Variants in LYST observed in about 807,000 individuals in gnomAD.
LYST encodes lysosomal-trafficking regulator.
LYST carries 192 observed loss-of-function variants against 413.6 expected under a neutral mutation model. The ratio of observed to expected loss-of-function variants is 0.46; its 90% CI spans 0.41 to 0.52. The LOEUF is 0.52. Among genes scored for constraint, LYST ranks in the 20% least tolerant of loss-of-function variants. LYST has a pLI of 0.00. For missense variants in LYST, 3,815 were observed against 4,499.9 expected, an observed-to-expected ratio of 0.85 and a Z score of 4.35; for synonymous variants, 1,525 against 1,567.3, an observed-to-expected ratio of 0.97 and a Z score of 0.64.
chr1:235,835,051 G>A (rs374151347), intron 1 of LYST, among the ~76,000 whole-genome samples: 2 of 151,578 alleles, frequency 1.3e-5, no homozygotes, highest in African/African-American at 2.4e-5. Flanking sequence ...CCGAGTAGCC[G>A]GGATTACAGG....
chr1:235,771,174 C>T (rs746352958), intron 19 of LYST, among the ~76,000 whole-genome samples: 5 of 152,078 alleles, frequency 3.3e-5, no homozygotes, highest in Non-Finnish European at 4.4e-5. Context: ...ACACGAAAAC[C>T]AGCAGACAAG....
chr1:235,836,020 C>T (rs1466071206), intron 1 of LYST, among the ~76,000 whole-genome samples: 1 of 152,070 alleles, frequency 6.6e-6, no homozygotes, highest in Non-Finnish European at 1.5e-5. Flanking sequence ...TAGCATTTAC[C>T]GTAAATGAAA....
chr1:235,739,695 T>C (rs559191568), intron 31 of LYST, among the ~76,000 whole-genome samples: 2 of 151,886 alleles, frequency 1.3e-5, no homozygotes, highest in African/African-American at 4.8e-5. Context: ...AGCTTATAGA[T>C]GCTGATGGAA....
At chr1:235,706,199 C>A (rs1422329272) in intron 44 of LYST, among the ~76,000 whole-genome samples, 2 of 152,156 alleles carry the variant, frequency 1.3e-5, no homozygotes, top group African/African-American at 2.4e-5. Flanking sequence ...CACACAACCC[C>A]AAAATTTCGT....
At chr1:235,727,324 A>G (rs1663975704) in intron 38 of LYST, among the ~76,000 whole-genome samples, 2 of 152,046 alleles carry the variant, frequency 1.3e-5, no homozygotes, top group South Asian at 4.2e-4. Flanking sequence ...GGGTTTCACC[A>G]TGTTGGCCAG....
Position 235,800,902 on chromosome 1 carries a change from T to G in LYST, c.3908A>C (p.Lys1303Thr), listed in dbSNP as rs1169057692. Residue 1303 changes from lysine (K) to threonine (T), a missense_variant, in exon 9 of 53, where the codon AAA becomes ACA. By Grantham distance (78) the Lys-to-Thr change is moderately conservative (BLOSUM62 -1). Coordinates refer to ENST00000389793, the MANE Select transcript of LYST (RefSeq NM_000081.4). ...FESFLKIIRQKEKNVFLLMQQ... is the reference protein window; with the variant it reads ...FESFLKIIRQTEKNVFLLMQQ... ...CATGAGCAGAAAAACATTCTTTTCT[T>G]TCTGCCTAATAATTTTCAAAAAACT... is the stretch of plus-strand genomic sequence containing the variant. 1.2e-6 allele frequency: 2 copies of G among 1,613,488 alleles called. No homozygotes were observed. The highest frequency in any genetic ancestry group is 2.7e-5 in the African/African-American group (2 of 74,924).
chr1:235,821,026 C>T (rs1206922164), intron 3 of LYST, among the ~76,000 whole-genome samples: 3 of 152,130 alleles, frequency 2.0e-5, no homozygotes, highest in African/African-American at 7.2e-5. Flanking sequence ...CTCCATCTTT[C>T]CCACATTTAG....
At chr1:235,778,231 T>TCTTGG (rs1306255536) in intron 16 of LYST, among the ~76,000 whole-genome samples, 2 of 150,614 alleles carry the variant, frequency 1.3e-5, no homozygotes, top group Non-Finnish European at 2.9e-5. Context: ...TAGGCATGAA[T>TCTTGG]CTTGGTGTCT....
In LYST at chr1:235,674,536, T is replaced by C. The variant is rs1403676128; in HGVS notation, c.11038+2555A>G. Among the ~76,000 whole-genome samples, 2 of 152,214 alleles carry C rather than the reference T, an allele frequency of 1.3e-5. No individual in the cohort carries two copies. The highest frequency in any genetic ancestry group is 2.9e-5 in the Non-Finnish European group (2 of 68,034). The stretch of plus-strand genomic sequence containing the variant: ...ATAGCTGCAGGATTTGAATCTATAT[T>C]GTTCTCATGGGTAACTGCAAGCAAA... On this transcript the variant is annotated intron_variant, in intron 50 of 52. Coordinates refer to ENST00000389793, the MANE Select transcript of LYST (RefSeq NM_000081.4). The surrounding 1 kb of genome is among the most constrained non-coding windows in gnomAD (Gnocchi z 4.1).
Position 235,731,048 on chromosome 1 carries a change from A to G in LYST, c.8931T>C (p.Asp2977=), listed in dbSNP as rs1179710338. The part of the protein sequence containing the change: ...LTIPNKYLLR[D]RQKSEDVVKP... ...CACTATTACCTTCTGATTTCTGTCT[A>G]TCCCTAAGGAGATACTTATTTGGAA... Residue 2977 remains aspartate, a synonymous_variant, in exon 35 of 53, where the codon GAT becomes GAC. Transcript: ENST00000389793. 6.2e-7 allele frequency: 1 copy of G among 1,613,632 alleles called. No individual in the cohort carries two copies. The highest frequency in any genetic ancestry group is 2.2e-5 in the East Asian group (1 of 44,866).
chr1:235,764,455 CTTATT>C (rs1340620440), intron 21 of LYST, among the ~76,000 whole-genome samples: 1 of 144,410 alleles, frequency 6.9e-6, no homozygotes, highest in Non-Finnish European at 1.5e-5. Flanking sequence ...TTTACTGCTG[CTTATT>C]TTATTCATTT....
intron 3 of LYST, among the ~76,000 whole-genome samples, chr1:235,826,920 T>A (rs1467939781): frequency 6.6e-6 from 1 of 151,972 alleles, no homozygotes; most frequent in African/African-American, 2.4e-5. Context: ...AGGCCTCAAG[T>A]AATCCATCTA....
At chr1:235,805,698 A>AT (rs762219500) in intron 6 of LYST, 45 bp downstream of exon 6, 37 of 1,102,340 alleles carry the variant, frequency 3.4e-5, no homozygotes, top group Non-Finnish European at 5.0e-5. Flanking sequence ...GTGTATATAT[A>AT]TGTATATATA....
intron 47 of LYST, among the ~76,000 whole-genome samples, chr1:235,689,426 T>C (rs1289405400): frequency 2.0e-5 from 3 of 152,168 alleles, no homozygotes; most frequent in African/African-American, 7.2e-5. Context: ...ATCCTGCTCC[T>C]ATGTGGAATC....
intron 46 of LYST, 77 bp downstream of exon 46, chr1:235,697,006 G>A (rs1312277263): frequency 2.2e-6 from 3 of 1,387,624 alleles, no homozygotes; most frequent in Non-Finnish European, 2.0e-6. Flanking sequence ...ACTCAAAGTA[G>A]CAGCACAGAT....
chr1:235,736,140 T>C (rs1357537820), intron 31 of LYST: 13 of 152,088 alleles, frequency 8.5e-5, no homozygotes, highest in Non-Finnish European at 7.4e-5. Flanking sequence ...TACCCTCTGA[T>C]CACTTACTGA....
intron 1 of LYST, among the ~76,000 whole-genome samples, chr1:235,881,938 T>A (rs1681392669): frequency 6.6e-6 from 1 of 152,094 alleles, no homozygotes; most frequent in African/African-American, 2.4e-5. Context: ...TGGAAATGGA[T>A]AGTGGTGGTG....
chr1:235,830,507 T>C, intron 2 of LYST, 83 bp from the exon 3 acceptor site: 1 of 1,104,684 alleles, frequency 9.1e-7, no homozygotes, highest in Non-Finnish European at 1.3e-6. Context: ...TTGTTGTTTG[T>C]TTCTAACTGA....
At chr1:235,693,254 T>G (rs1660819908) in intron 47 of LYST, 96 bp downstream of exon 47, 2 of 906,820 alleles carry the variant, frequency 2.2e-6, no homozygotes, top group Non-Finnish European at 3.5e-6. Context: ...AGGTGGAGCT[T>G]GCAGTGAGCC....
Sources: allele counts gnomAD v4.1 joint callset (sites outside exome capture counted in the v4.1 genomes callset), GRCh38; gene constraint gnomAD v4.1.1; non-coding constraint Gnocchi (gnomAD v3.1); transcripts MANE v1.5; gene names NCBI Gene and HGNC (gene_info 2026-07-23, HGNC 2026-07-21).